The following RORB variants were observed in gnomAD, a reference collection of about 807,000 sequenced individuals.
RORB encodes the protein nuclear receptor ROR-beta.
In RORB, 6 loss-of-function variants were observed where a neutral mutation model predicts 59.1. The observed-to-expected ratio is 0.10, with a 90% CI of 0.06 to 0.20. The LOEUF is 0.20. Among genes scored for constraint, RORB ranks in the 10% least tolerant of loss-of-function variants. The pLI is 1.00. For synonymous variants in RORB, 215 were observed against 204.5 expected (o/e 1.05, Z -0.44); for missense variants, 320 against 560.5 (o/e 0.57, Z 4.33).
intron 3 of RORB, 21 bp downstream of exon 3, chr9:74,634,793 T>C (rs1823675449): frequency 6.2e-7 from 1 of 1,605,024 alleles, no homozygotes; most frequent in Non-Finnish European, 8.5e-7. Context: ...ACCTTCCTGT[T>C]TCTTACTTAA....
intron 1 of RORB, among the ~76,000 whole-genome samples, chr9:74,548,652 C>T (rs1362193367): frequency 6.6e-6 from 1 of 152,166 alleles, no homozygotes; most frequent in Non-Finnish European, 1.5e-5. Context: ...TGGCTCGGTG[C>T]AGCTACCCTG....
intron 1 of RORB, among the ~76,000 whole-genome samples, chr9:74,549,535 GGGAGGGAGGGAGGGAAGGAAGGAAGGAA>G (rs1448988413): frequency 9.9e-5 from 3 of 30,296 alleles, no homozygotes; most frequent in East Asian, 5.1e-4. Flanking sequence ...GAGGGAGGGA[GGGAGGGAGGGAGGGAAGGAAGGAAGGAA>G]GGAAGGAAGG....
At chr9:74,683,687 G>A (rs1291900750) in intron 9 of RORB, among the ~76,000 whole-genome samples, 2 of 152,112 alleles carry the variant, frequency 1.3e-5, no homozygotes, top group Non-Finnish European at 2.9e-5. Context: ...CAGCTTCAAT[G>A]TCACTTTCTC....
chr9:74,499,395 C>T (rs373560411), intron 1 of RORB, among the ~76,000 whole-genome samples: 35 of 152,264 alleles, frequency 2.3e-4, no homozygotes, highest in African/African-American at 7.7e-4. Context: ...CGGTGAGCCC[C>T]GAGCCTGGAC....
At chr9:74,633,992 G>T (rs535663549) in intron 2 of RORB, among the ~76,000 whole-genome samples, 6 of 151,236 alleles carry the variant, frequency 4.0e-5, no homozygotes, top group African/African-American at 1.5e-4. Flanking sequence ...GAGTCTAGGA[G>T]TTTGAGGCCA....
intron 9 of RORB, among the ~76,000 whole-genome samples, chr9:74,679,709 A>G (rs1044468651): frequency 2.0e-5 from 3 of 152,166 alleles, no homozygotes; most frequent in East Asian, 1.9e-4. Flanking sequence ...GGCATATACT[A>G]TAGGTAAAAC....
intron 1 of RORB, among the ~76,000 whole-genome samples, chr9:74,597,659 CAAT>C (rs1390901598): frequency 3.9e-5 from 6 of 152,018 alleles, no homozygotes; most frequent in African/African-American, 1.4e-4. Flanking sequence ...TAAAATATCT[CAAT>C]AATTTTATAT....
chr9:74,668,455 A>T (rs1303550699), intron 8 of RORB, among the ~76,000 whole-genome samples: 2 of 152,196 alleles, frequency 1.3e-5, no homozygotes, highest in African/African-American at 4.8e-5. Context: ...TCAGAGCATT[A>T]ACTCCCTGCA....
chr9:74,661,517 A>G (rs1824179484), intron 5 of RORB, among the ~76,000 whole-genome samples: 1 of 151,704 alleles, frequency 6.6e-6, no homozygotes, highest in Non-Finnish European at 1.5e-5. Flanking sequence ...ACACACATAG[A>G]TTTCTGTTTC....
intron 1 of RORB, among the ~76,000 whole-genome samples, chr9:74,540,563 A>T (rs1405589414): frequency 6.6e-6 from 1 of 152,208 alleles, no homozygotes; most frequent in African/African-American, 2.4e-5. Context: ...AATTGTACAA[A>T]AGATAGAATA....
intron 1 of RORB, among the ~76,000 whole-genome samples, chr9:74,629,317 A>G (rs1158192263): frequency 4.0e-5 from 6 of 151,120 alleles, no homozygotes; most frequent in Admixed American, 2.6e-4. Flanking sequence ...TACCCTGTTC[A>G]CTTCGTTGAT....
intron 1 of RORB, among the ~76,000 whole-genome samples, chr9:74,610,041 T>C (rs779867266): frequency 3.3e-5 from 5 of 152,248 alleles, no homozygotes; most frequent in East Asian, 1.9e-4. Flanking sequence ...TCTGTACTAC[T>C]GAATTTGGGC....
chr9:74,676,411 G>A (rs1228514301), intron 9 of RORB, among the ~76,000 whole-genome samples: 5 of 152,214 alleles, frequency 3.3e-5, no homozygotes, highest in Non-Finnish European at 7.3e-5. Context: ...GAGAACTGCT[G>A]ATATCCCTCA....
intron 1 of RORB, among the ~76,000 whole-genome samples, chr9:74,533,947 C>G (rs1390310482): frequency 6.6e-6 from 1 of 151,994 alleles, no homozygotes; most frequent in Non-Finnish European, 1.5e-5. Context: ...TTTCTTTAAT[C>G]TTGAATTGGG....
chr9:74,676,500 C>T (rs544668802), intron 9 of RORB, among the ~76,000 whole-genome samples: 24 of 152,202 alleles, frequency 1.6e-4, no homozygotes, highest in Admixed American at 1.4e-3. Context: ...TAACACTCAG[C>T]GAGTACCATG....
chr9:74,607,896 G>A (rs954077753), intron 1 of RORB, among the ~76,000 whole-genome samples: 2 of 152,150 alleles, frequency 1.3e-5, no homozygotes, highest in African/African-American at 4.8e-5. Flanking sequence ...ATTTTAGCAA[G>A]GTTTCTAGGC....
intron 1 of RORB, among the ~76,000 whole-genome samples, chr9:74,522,159 G>A (rs947211071): frequency 1.1e-4 from 17 of 151,688 alleles, no homozygotes; most frequent in Non-Finnish European, 5.9e-5. Flanking sequence ...AATTTTAGCA[G>A]TAAACTTAGT....
chr9:74,691,194 A>G lies in RORB; in HGVS notation c.*5576A>G, dbSNP rs946800439. On this transcript the variant is annotated 3_prime_UTR_variant, in exon 10 of 10. Transcript: ENST00000376896. The stretch of plus-strand genomic sequence containing the variant: ...CTGTAAGCATGGCCTCCAGTGGATC[A>G]GAGAAAGCAGCTCAGTGATTGTTCT... 6.6e-6 allele frequency: 1 copy of G among 152,228 alleles called. No homozygotes were observed. The highest frequency in any genetic ancestry group is 2.4e-5 in the African/African-American group (1 of 41,438). The allele number at this position is 152,228 out of a possible 1,614,324, so 9.4% of individuals were successfully genotyped here.
chr9:74,609,381 T>C (rs1823199512), intron 1 of RORB, among the ~76,000 whole-genome samples: 1 of 152,172 alleles, frequency 6.6e-6, no homozygotes, highest in African/African-American at 2.4e-5. Flanking sequence ...TAGGAGGTAA[T>C]GAGTAGTTGG....
Sources: gnomAD v4.1 joint callset for allele counts (sites outside exome capture counted in the v4.1 genomes callset) on GRCh38, gnomAD v4.1.1 for gene constraint, MANE v1.5 for transcripts, NCBI Gene and HGNC (gene_info 2026-07-23, HGNC 2026-07-21) for gene names.